RNF130: variants seen among roughly 807,000 people sequenced by gnomAD.
RNF130 encodes the protein ring finger protein 130, also known as E3 ubiquitin-protein ligase RNF130.
A neutral mutation model predicts 44.6 loss-of-function variants in RNF130; 21 were observed. That is an observed-to-expected ratio of 0.47 (90% confidence interval 0.33 to 0.68). The LOEUF (loss-of-function observed/expected upper bound fraction) is 0.68, where lower values mean the gene tolerates loss of function less well. RNF130 is among the 30% of genes least tolerant of loss of function. The pLI, the probability that RNF130 is intolerant of heterozygous loss-of-function variation, is 0.02. For synonymous variants in RNF130, 214 were observed against 210.4 expected, an observed-to-expected ratio of 1.02 and a Z score of -0.15; for missense variants, 479 against 560.6, an observed-to-expected ratio of 0.85 and a Z score of 1.47.
chr5:180,002,673 C>T (rs116239574), intron 3 of RNF130, among the ~76,000 whole-genome samples: 2,066 of 152,210 alleles, frequency 0.014, 32 homozygotes, highest in Non-Finnish European at 0.023. Flanking sequence ...GTGAGCTCTT[C>T]CTGGTTCCCA....
rs984191008 is a variant in RNF130 at position 180,006,520 on chromosome 5, CAT to C, written c.693+6539_693+6540del. On this transcript the variant is annotated intron_variant, in intron 3 of 8. Coordinates refer to ENST00000521389, the MANE Select transcript of RNF130 (RefSeq NM_018434.6). ...ATAAAGTCAAAGAATATTATATACA[CAT>C]GTTATGGCAAGAAGCTTTTACAAAT... Among the ~76,000 whole-genome samples, 18 of 152,254 alleles carry C rather than the reference CAT, an allele frequency of 1.2e-4. No homozygotes were observed. In the South Asian group the frequency reaches 1.2e-3, roughly 11 times the overall value.
intron 7 of RNF130, among the ~76,000 whole-genome samples, chr5:179,965,148 T>C (rs563742966): frequency 7.9e-5 from 12 of 152,292 alleles, no homozygotes; most frequent in Non-Finnish European, 1.8e-4. Flanking sequence ...GTGTGTGTGA[T>C]TGCAATTTTA....
chr5:179,968,777 G>A lies in RNF130; in HGVS notation c.945+1633C>T, dbSNP rs1348903103. 2.0e-5 allele frequency among the ~76,000 whole-genome samples: 3 copies of A among 152,148 alleles called. No homozygotes were observed. In the East Asian group the frequency reaches 5.8e-4, roughly 29 times the overall value. ...ATGGGGGTGAGTTTGCTCCCTGGGG[G>A]ACATCTGGCAACGTCTGGAGACATT... On this transcript the variant is annotated intron_variant, in intron 6 of 8. Transcript: ENST00000521389.
chr5:179,980,449 C>T (rs1253580287), intron 3 of RNF130: 1 of 406,476 alleles, frequency 2.5e-6, no homozygotes, highest in East Asian at 4.4e-5. Context: ...CTTCAATTCT[C>T]CAGCAGTAAA....
At chr5:180,055,062 G>T (rs997278704) in intron 1 of RNF130, among the ~76,000 whole-genome samples, 4 of 151,518 alleles carry the variant, frequency 2.6e-5, no homozygotes, top group African/African-American at 7.3e-5. Context: ...ATAAATTTTG[G>T]CCAGGAGTGG....
At chr5:179,951,709 A>C (rs1414078242), downstream of RNF130, among the ~76,000 whole-genome samples, 1 of 152,200 alleles carries the variant, frequency 6.6e-6, no homozygotes, top group Non-Finnish European at 1.5e-5. Flanking sequence ...AATCATACAA[A>C]GTATGTTCTC....
rs184654805 is a variant in RNF130 at position 180,056,799 on chromosome 5, G to A, written c.247+14657C>T. Among the ~76,000 whole-genome samples, 10 of 152,282 alleles carry A rather than the reference G, an allele frequency of 6.6e-5. No individual in the cohort carries two copies. The East Asian group carries it at 1.5e-3, about 24-fold the overall frequency. On this transcript the variant is annotated intron_variant, in intron 1 of 8. Transcript: ENST00000521389. Reference sequence around the variant, plus strand: ...CAGGAAACCCACAGGCCCATGGACAGCAGAATGCATAACTACCACATATTC... The same window carrying A: ...CAGGAAACCCACAGGCCCATGGACAACAGAATGCATAACTACCACATATTC...
rs971878487 is a variant in RNF130, at chr5:179,916,100, C to T, written c.*4217G>A. ...ACATTTATGAGCAGCAACCACTTGT[C>T]AAGGAGCCACACTGTCACTTGCCAG... is the stretch of plus-strand genomic sequence containing the variant. On this transcript the variant is annotated 3_prime_UTR_variant, in exon 8 of 8. Transcript: ENST00000522208. The T allele has an allele frequency of 9.9e-5, 15 of 152,206 alleles. 1 individual carries two copies. Among genetic ancestry groups the T allele is most frequent in the Admixed American group, 2.6e-4 (4 of 15,262 alleles). 9.4% of individuals were successfully genotyped at this position (152,206 alleles called of 1,614,324 possible). A position where few individuals can be genotyped will look rare whatever the true frequency, so the allele number is the denominator to read the frequency against.
At chr5:179,928,367 TC>T (rs1216347551) in intron 7 of RNF130, among the ~76,000 whole-genome samples, 1 of 151,662 alleles carries the variant, frequency 6.6e-6, no homozygotes, top group African/African-American at 2.4e-5. Context: ...TTTTTTTTTT[TC>T]ATTTTAGCAT....
At chr5:180,015,078 C>T (rs953066905) in intron 2 of RNF130, among the ~76,000 whole-genome samples, 2 of 152,178 alleles carry the variant, frequency 1.3e-5, no homozygotes, top group Non-Finnish European at 2.9e-5. Flanking sequence ...AAAATTGTTA[C>T]AGCCACTTTA....
chr5:179,994,179 T>C (rs1332812073), intron 3 of RNF130, among the ~76,000 whole-genome samples: 1 of 152,168 alleles, frequency 6.6e-6, no homozygotes, highest in Non-Finnish European at 1.5e-5. Flanking sequence ...AGTTTTGTTC[T>C]TTTGGCTTAT....
chr5:180,051,220 CCT>C (rs1390099139), intron 1 of RNF130, among the ~76,000 whole-genome samples: 1 of 102,842 alleles, frequency 9.7e-6, no homozygotes, highest in Non-Finnish European at 2.3e-5. Flanking sequence ...CAAATTATCA[CCT>C]TTTTGTATAG....
At chr5:180,045,958 C>G (rs1764554436) in intron 1 of RNF130, among the ~76,000 whole-genome samples, 1 of 152,242 alleles carries the variant, frequency 6.6e-6, no homozygotes, top group African/African-American at 2.4e-5. Flanking sequence ...TGCCCACACT[C>G]CTCAGCCCCT....
At chr5:179,946,037 CCT>C (rs1762032810) in intron 7 of RNF130, among the ~76,000 whole-genome samples, 1 of 152,240 alleles carries the variant, frequency 6.6e-6, no homozygotes, top group Non-Finnish European at 1.5e-5. Context: ...TCTCAGTTCC[CCT>C]GTGCTTCCCA....
chr5:179,987,787 C>CA (rs1460803420), intron 3 of RNF130, among the ~76,000 whole-genome samples: 5 of 152,142 alleles, frequency 3.3e-5, no homozygotes, highest in Admixed American at 3.3e-4. Flanking sequence ...TTGCAAATGC[C>CA]AAAACATCCT....
In RNF130 at chr5:179,972,271, T is replaced by C. The variant is rs192369365; in HGVS notation, c.849-1765A>G. Among the ~76,000 whole-genome samples the C allele has an allele frequency of 5.9e-5, 9 of 152,296 alleles. No individual in the cohort carries two copies. The East Asian group carries it at 1.3e-3, about 23-fold the overall frequency. ...TGGGGCATACAAACTCCCTTAGATC[T>C]GATAGAAGTTACAGAACCTCCCTCT... On this transcript the variant is annotated intron_variant, in intron 5 of 8. Coordinates refer to ENST00000521389, the MANE Select transcript of RNF130 (RefSeq NM_018434.6).
chr5:180,064,680 C>A (rs1185466701), intron 1 of RNF130, among the ~76,000 whole-genome samples: 2 of 152,202 alleles, frequency 1.3e-5, no homozygotes, highest in Non-Finnish European at 2.9e-5. Flanking sequence ...CTTGAATCCC[C>A]ATCCTGTGAG....
intron 3 of RNF130, 43 bp from the exon 4 acceptor site, chr5:179,980,243 T>G (rs547229008): frequency 6.5e-7 from 1 of 1,547,972 alleles, no homozygotes; most frequent in African/African-American, 1.4e-5. Flanking sequence ...GTGTAAGATC[T>G]CTGAATGACG....
intron 8 of RNF130, among the ~76,000 whole-genome samples, chr5:179,961,897 G>A (rs367585881): frequency 3.0e-4 from 46 of 152,268 alleles, no homozygotes; most frequent in African/African-American, 1.1e-3. Flanking sequence ...GCATTGGCTT[G>A]GCTAACATTT....
Sources: gnomAD v4.1 joint callset for allele counts (sites outside exome capture counted in the v4.1 genomes callset) on GRCh38, gnomAD v4.1.1 for gene constraint, MANE v1.5 for transcripts, NCBI Gene and HGNC (gene_info 2026-07-23, HGNC 2026-07-21) for gene names.